Variants in CDH6 observed in about 807,000 individuals in gnomAD.
The protein encoded by CDH6 is cadherin-6.
Under a neutral mutation model 78.0 loss-of-function variants are expected in CDH6, and 31 were observed. That is an observed-to-expected ratio of 0.40 (90% CI 0.30 to 0.54). The LOEUF is 0.54. Ranked by LOEUF, CDH6 falls within the 20% of genes least tolerant of loss-of-function variation. The pLI is 0.56. For missense variants in CDH6, 724 were observed against 975.9 expected, an observed-to-expected ratio of 0.74 and a Z score of 3.44; for synonymous variants, 376 against 368.8, an observed-to-expected ratio of 1.02 and a Z score of -0.23.
At chr5:31,222,356 C>A (rs1741025359) in intron 1 of CDH6, among the ~76,000 whole-genome samples, 1 of 152,118 alleles carries the variant, frequency 6.6e-6, no homozygotes, top group South Asian at 2.1e-4. Flanking sequence ...GCATATAAAT[C>A]AGAGAAAGTG....
chr5:31,283,036 GAGAC>G (rs1742904033), intron 2 of CDH6, among the ~76,000 whole-genome samples: 1 of 152,170 alleles, frequency 6.6e-6, no homozygotes, highest in Non-Finnish European at 1.5e-5. Flanking sequence ...AAAAGAGAGA[GAGAC>G]AGACAGACAG....
chr5:31,315,346 T>A (rs1435739421), intron 8 of CDH6, among the ~76,000 whole-genome samples: 1 of 152,176 alleles, frequency 6.6e-6, no homozygotes, highest in Non-Finnish European at 1.5e-5. Context: ...CTGCTATATA[T>A]TAGGTATTAG....
At chr5:31,200,567 T>TAC (rs10533381) in intron 1 of CDH6, among the ~76,000 whole-genome samples, 13,426 of 144,250 alleles carry the variant, frequency 0.093, 1,050 homozygotes, top group African/African-American at 0.22. Flanking sequence ...CACACATACA[T>TAC]ACACACACAC....
At chr5:31,197,260 T>A (rs1740195667) in intron 1 of CDH6, among the ~76,000 whole-genome samples, 1 of 152,228 alleles carries the variant, frequency 6.6e-6, no homozygotes, top group Admixed American at 6.5e-5. Context: ...GTAGGGTGAA[T>A]CAGCCTCTTC....
At chr5:31,316,565 A>C (rs1199972374) in intron 9 of CDH6, among the ~76,000 whole-genome samples, 5 of 152,252 alleles carry the variant, frequency 3.3e-5, no homozygotes, top group African/African-American at 1.2e-4. Context: ...GTTTTTATTA[A>C]ATAGATTAGT....
At position 31,324,064 on chromosome 5, in the gene CDH6, C is replaced by A. The variant is rs56673271; in HGVS notation, c.*756C>A. On this transcript the variant is annotated 3_prime_UTR_variant, in exon 12 of 12. Transcript: ENST00000265071. ...GAGGGAAATAGCTAATAATGTTAAC[C>A]AAGGAAATATATTTTACCATACATT... is the stretch of plus-strand genomic sequence containing the variant. 1,318 of 223,998 alleles carry A rather than the reference C, an allele frequency of 5.9e-3. 21 individuals are homozygous for A. The highest frequency in any genetic ancestry group is 0.047 in the East Asian group (712 of 15,272). 13.9% of individuals were successfully genotyped at this position (223,998 alleles called of 1,614,324 possible).
intron 2 of CDH6, among the ~76,000 whole-genome samples, chr5:31,273,302 C>T (rs944984156): frequency 6.6e-6 from 1 of 152,126 alleles, no homozygotes; most frequent in Non-Finnish European, 1.5e-5. Flanking sequence ...TAATTCCATG[C>T]GTGATTCAGC....
rs79387745 is a variant in CDH6, at chr5:31,318,171, A to G, written c.1882+247A>G. 3,735 of 601,328 alleles carry G rather than the reference A, an allele frequency of 6.2e-3. 93 individuals carry two copies. Among genetic ancestry groups the G allele is most frequent in the East Asian group, 0.046 (1,664 of 36,260 alleles). The allele number at this position is 601,328 out of a possible 1,614,324, so 37.2% of individuals were successfully genotyped here. On this transcript the variant is annotated intron_variant, in intron 11 of 11. Coordinates refer to ENST00000265071, the MANE Select transcript of CDH6 (RefSeq NM_004932.4). ...CCAGGAAGCAAAGAATCTCTTGTCT[A>G]TCAGACTGGGAATGAATCTCGGGGG...
intron 1 of CDH6, among the ~76,000 whole-genome samples, chr5:31,199,977 G>A (rs1442491274): frequency 1.3e-5 from 2 of 151,896 alleles, no homozygotes; most frequent in Admixed American, 1.3e-4. Context: ...TAATGAAGGT[G>A]CTGTTAACAA....
chr5:31,243,709 G>T (rs1741666946), intron 1 of CDH6, among the ~76,000 whole-genome samples: 1 of 152,160 alleles, frequency 6.6e-6, no homozygotes, highest in African/African-American at 2.4e-5. Flanking sequence ...CTGACCCTAA[G>T]TATGTCAGAC....
At chr5:31,292,681 C>T (rs985774640) in intron 2 of CDH6, among the ~76,000 whole-genome samples, 2 of 151,482 alleles carry the variant, frequency 1.3e-5, no homozygotes, top group African/African-American at 4.9e-5. Context: ...AATAGTCCTC[C>T]TCAATAAAAA....
intron 1 of CDH6, among the ~76,000 whole-genome samples, chr5:31,246,959 C>G (rs1318515159): frequency 1.3e-5 from 2 of 152,150 alleles, no homozygotes; most frequent in African/African-American, 4.8e-5. Context: ...CCATGTTAGC[C>G]AGGCTGGTCT....
At position 31,294,383 on chromosome 5, in the gene CDH6, TC is replaced by T; in HGVS notation, c.523+129del. 1.4e-6 allele frequency: 1 copy of T among 736,374 alleles called. No homozygotes were observed. The highest frequency in any genetic ancestry group is 2.5e-5 in the East Asian group (1 of 40,216). The allele number at this position is 736,374 out of a possible 1,614,324, so 45.6% of individuals were successfully genotyped here. A position where few individuals can be genotyped will look rare whatever the true frequency, so the allele number is the denominator to read the frequency against. ...TGCTAACTTCTTCAATCCATGTATG[TC>T]CTTTCTGTAAGTGCATATGTTTCCT... On this transcript the variant is annotated intron_variant, in intron 3 of 11. Coordinates refer to ENST00000265071, the MANE Select transcript of CDH6 (RefSeq NM_004932.4). This position sits in a 1 kb window ranked among gnomAD's most constrained non-coding sequence, Gnocchi z 4.1.
intron 1 of CDH6, among the ~76,000 whole-genome samples, chr5:31,200,485 C>G (rs1173341641): frequency 6.6e-6 from 1 of 151,588 alleles, no homozygotes; most frequent in East Asian, 1.9e-4. Flanking sequence ...TTTTTTATGA[C>G]CACATTTATT....
At chr5:31,302,484 G>A (rs1455008444) in intron 6 of CDH6, 186 bp downstream of exon 6, 3 of 470,398 alleles carry the variant, frequency 6.4e-6, no homozygotes, top group Non-Finnish European at 7.7e-6. Flanking sequence ...GCACTTTTGG[G>A]GGCCAAGGCA....
intron 6 of CDH6, 57 bp downstream of exon 6, chr5:31,302,355 C>G: frequency 7.8e-7 from 1 of 1,283,766 alleles, no homozygotes; most frequent in East Asian, 2.3e-5. Flanking sequence ...TCTCCAGTTC[C>G]TAAGTTACCA....
chr5:31,311,950 C>T (rs1289294134), intron 7 of CDH6, among the ~76,000 whole-genome samples: 1 of 151,014 alleles, frequency 6.6e-6, no homozygotes, highest in East Asian at 2.0e-4. Flanking sequence ...TTCTCAAAAT[C>T]CACTAGTCTT....
intron 5 of CDH6, 66 bp downstream of exon 5, chr5:31,299,697 T>C (rs1397496873): frequency 7.4e-7 from 1 of 1,356,974 alleles, no homozygotes; most frequent in African/African-American, 1.4e-5. Context: ...TTAAGAATTT[T>C]TATTTTCCAT....
chr5:31,243,361 C>T (rs1741656528), intron 1 of CDH6, among the ~76,000 whole-genome samples: 2 of 152,178 alleles, frequency 1.3e-5, no homozygotes, highest in South Asian at 4.1e-4. Context: ...TCTCAGCAGA[C>T]AGAGGAAGAT....
Sources: allele counts gnomAD v4.1 joint callset (sites outside exome capture counted in the v4.1 genomes callset), GRCh38; gene constraint gnomAD v4.1.1; non-coding constraint Gnocchi (gnomAD v3.1); transcripts MANE v1.5; gene names NCBI Gene and HGNC (gene_info 2026-07-23, HGNC 2026-07-21).